TTLL5: variants seen among roughly 807,000 people sequenced by gnomAD.
The protein encoded by TTLL5 is tubulin tyrosine ligase like 5.
Under a neutral mutation model 168.4 loss-of-function variants are expected in TTLL5, and 132 were observed. The observed-to-expected ratio is 0.78, with a 90% CI of 0.68 to 0.91. The LOEUF is 0.91. TTLL5 is among the 40% of genes least tolerant of loss of function. TTLL5 has a pLI of 0.00. For synonymous variants in TTLL5, 546 were observed against 558.6 expected, an observed-to-expected ratio of 0.98 and a Z score of 0.32; for missense variants, 1,545 against 1,581.5, an observed-to-expected ratio of 0.98 and a Z score of 0.39.
intron 21 of TTLL5, among the ~76,000 whole-genome samples, chr14:75,773,923 T>TAG (rs1250809385): frequency 0.014 from 394 of 27,590 alleles, 4 homozygotes; most frequent in South Asian, 0.038. Context: ...TATATATATA[T>TAG]ATATAGAGAG....
intron 13 of TTLL5, 72 bp from the exon 14 acceptor site, chr14:75,733,917 A>G: frequency 1.4e-6 from 2 of 1,428,390 alleles, no homozygotes; most frequent in Non-Finnish European, 2.0e-6. Flanking sequence ...CTATATTGGG[A>G]CCCATCAGAG....
At chr14:75,785,416 G>A (rs1892310267) in intron 26 of TTLL5, among the ~76,000 whole-genome samples, 1 of 152,104 alleles carries the variant, frequency 6.6e-6, no homozygotes, top group South Asian at 2.1e-4. Flanking sequence ...TTGACCTTGT[G>A]ATCCACCCAC....
chr14:75,889,545 G>T (rs1203691476), intron 30 of TTLL5, among the ~76,000 whole-genome samples: 4 of 152,104 alleles, frequency 2.6e-5, no homozygotes, highest in African/African-American at 7.2e-5. Flanking sequence ...AAATATAAAG[G>T]CTGGGTGCGG....
rs116853242 is a variant in TTLL5, at chr14:75,681,299, G to A, written c.182-246G>A. Among the ~76,000 whole-genome samples, 643 of 152,242 alleles carry A rather than the reference G, an allele frequency of 4.2e-3. 4 individuals carry two copies. The highest frequency in any genetic ancestry group is 8.6e-3 in the Admixed American group (131 of 15,284). ...TTTGTTACTTAAAATCTTAATTGAA[G>A]CCATTGTTAAATTTCAACTAGAAAC... On this transcript the variant is annotated intron_variant, in intron 3 of 31. Coordinates refer to ENST00000298832, the MANE Select transcript of TTLL5 (RefSeq NM_015072.5).
At chr14:75,815,812 C>T (rs141073044) in intron 27 of TTLL5, among the ~76,000 whole-genome samples, 26 of 152,258 alleles carry the variant, frequency 1.7e-4, no homozygotes, top group African/African-American at 6.3e-4. Context: ...TGACTTTGAG[C>T]AAATTGCTTA....
chr14:75,735,228 C>G lies in TTLL5; in HGVS notation c.1220C>G (p.Ser407Ter). 6.2e-7 allele frequency: 1 copy of G among 1,614,220 alleles called. No individual in the cohort carries two copies. The highest frequency in any genetic ancestry group is 8.5e-7 in the Non-Finnish European group (1 of 1,180,002). The change falls in exon 15 of 32, where the codon TCA becomes TGA. Residue 407 changes from serine (S) to a stop codon, truncating the protein, a stop_gained. Transcript: ENST00000298832. LOFTEE classifies it high-confidence loss of function. ...FVCQDPAQRA[S>*]TRPIYPTFES... Reference sequence around the variant, plus strand: ...TGCCAAGATCCTGCCCAGCGGGCATCAACTCGGCCAATTTATCCCACCTTT... The same window carrying G: ...TGCCAAGATCCTGCCCAGCGGGCATGAACTCGGCCAATTTATCCCACCTTT...
chr14:75,867,401 A>G (rs988126557), intron 29 of TTLL5, among the ~76,000 whole-genome samples: 2 of 152,170 alleles, frequency 1.3e-5, no homozygotes, highest in African/African-American at 4.8e-5. Context: ...AATAATAGCC[A>G]CCACTTAAGC....
At chr14:75,809,942 A>G (rs1215366723) in intron 27 of TTLL5, among the ~76,000 whole-genome samples, 1 of 152,126 alleles carries the variant, frequency 6.6e-6, no homozygotes, top group Admixed American at 6.5e-5. Flanking sequence ...TATATATGTC[A>G]CATTTTTTTT....
At chr14:75,922,925 C>G (rs1487075527) in intron 31 of TTLL5, among the ~76,000 whole-genome samples, 1 of 152,168 alleles carries the variant, frequency 6.6e-6, no homozygotes, top group Non-Finnish European at 1.5e-5. Context: ...TTGGTCTATT[C>G]AGAGATTCAA....
At chr14:75,878,441 G>T (rs1169329561) in intron 29 of TTLL5, among the ~76,000 whole-genome samples, 1 of 152,270 alleles carries the variant, frequency 6.6e-6, no homozygotes, top group East Asian at 1.9e-4. Flanking sequence ...GTGGGAAGAA[G>T]AACAGGGAAC....
chr14:75,941,910 C>T (rs550272223), intron 31 of TTLL5, among the ~76,000 whole-genome samples: 10 of 137,032 alleles, frequency 7.3e-5, no homozygotes, highest in South Asian at 2.4e-4. Flanking sequence ...CATAAAAATG[C>T]GGTGGCTCAC....
intron 27 of TTLL5, among the ~76,000 whole-genome samples, chr14:75,794,599 C>T (rs1299372104): frequency 6.6e-6 from 1 of 152,148 alleles, no homozygotes; most frequent in African/African-American, 2.4e-5. Context: ...AGTCATCCCC[C>T]TTCAGTTCAT....
intron 27 of TTLL5, among the ~76,000 whole-genome samples, chr14:75,797,618 C>T (rs1242927922): frequency 6.6e-6 from 1 of 152,004 alleles, no homozygotes; most frequent in Non-Finnish European, 1.5e-5. Context: ...GGGTTTTAAT[C>T]ATGAAGAGAT....
chr14:75,725,534 A>G (rs1002370159), intron 12 of TTLL5, among the ~76,000 whole-genome samples: 15 of 152,210 alleles, frequency 9.9e-5, no homozygotes, highest in African/African-American at 3.4e-4. Flanking sequence ...CATGGAAAAA[A>G]GATTCAGAAA....
At chr14:75,730,544 C>CG (rs1250721758) in intron 12 of TTLL5, among the ~76,000 whole-genome samples, 1 of 152,040 alleles carries the variant, frequency 6.6e-6, no homozygotes, top group Non-Finnish European at 1.5e-5. Context: ...AAAATTTTCC[C>CG]TAGAGGATTT....
At chr14:75,692,137 C>T (rs1885510158) in intron 6 of TTLL5, among the ~76,000 whole-genome samples, 1 of 152,172 alleles carries the variant, frequency 6.6e-6, no homozygotes, top group African/African-American at 2.4e-5. Context: ...TTAATGTCCG[C>T]ATCTATAAAA....
At chr14:75,846,286 A>G (rs909519856) in intron 28 of TTLL5, among the ~76,000 whole-genome samples, 3 of 152,200 alleles carry the variant, frequency 2.0e-5, no homozygotes, top group East Asian at 3.9e-4. Context: ...GGGGAATTAC[A>G]TAAGGGAAAT....
In TTLL5 at chr14:75,792,962, A is replaced by G; in HGVS notation, c.3033A>G (p.Gln1011=). The G allele has an allele frequency of 1.2e-6, 2 of 1,612,288 alleles. No individual in the cohort carries two copies. Among genetic ancestry groups the G allele is most frequent in the Middle Eastern group, 1.7e-4 (1 of 6,058 alleles). ...ATCATTCAGGAATAGCCAAAACACA[A>G]AAAGAGGGAGAAGATGCTTCTTTAT... ...NKHHSGIAKT[Q]KEGEDASLYS... Residue 1011 remains glutamine, a synonymous_variant, in exon 27 of 32, where the codon CAA becomes CAG. Transcript: ENST00000298832.
At chr14:75,766,500 T>C (rs1460539713) in intron 20 of TTLL5, 132 bp downstream of exon 20, 2 of 917,174 alleles carry the variant, frequency 2.2e-6, no homozygotes, top group Admixed American at 3.0e-5. Flanking sequence ...ATAATGACTG[T>C]GATTAGATAC....
Sources: gnomAD v4.1 joint callset for allele counts (sites outside exome capture counted in the v4.1 genomes callset) on GRCh38, gnomAD v4.1.1 for gene constraint, MANE v1.5 for transcripts, NCBI Gene and HGNC (gene_info 2026-07-23, HGNC 2026-07-21) for gene names.